Variants in ZNF683 observed in about 807,000 individuals in gnomAD.
ZNF683 encodes the protein zinc finger protein 683.
ZNF683 carries 20 observed loss-of-function variants against 31.4 expected under a neutral mutation model. The observed-to-expected ratio is 0.64, with a 90% CI of 0.45 to 0.93. The LOEUF (loss-of-function observed/expected upper bound fraction) is 0.93. Ranked by LOEUF, ZNF683 falls within the 40% of genes least tolerant of loss-of-function variation. The probability of loss-of-function intolerance (pLI) is 0.00; values close to 1 mark genes in which losing one functional copy is unlikely to be tolerated. For missense variants in ZNF683, 621 were observed against 637.2 expected (o/e 0.97, Z 0.27); for synonymous variants, 264 against 267.6 (o/e 0.99, Z 0.13).
At chr1:26,371,967 G>A (rs535690414) in intron 1 of ZNF683, among the ~76,000 whole-genome samples, 103 of 152,242 alleles carry the variant, frequency 6.8e-4, no homozygotes, top group Admixed American at 1.2e-3. Context: ...GACATGTCTA[G>A]ATACAAAAAG....
At chr1:26,374,200 G>T, upstream of ZNF683, 1 of 1,289,614 alleles carries the variant, frequency 7.8e-7, no homozygotes, top group Non-Finnish European at 1.0e-6. Flanking sequence ...CGCCTCCCCT[G>T]CTGTCTTGCT....
chr1:26,372,637 T>G lies in ZNF683; in HGVS notation c.-15+32A>C. 6 of 1,304,202 alleles carry G rather than the reference T, an allele frequency of 4.6e-6. No homozygotes were observed. The South Asian group carries it at 7.4e-5, about 16-fold the overall frequency. 80.8% of individuals were successfully genotyped at this position (1,304,202 alleles called of 1,614,324 possible). On this transcript the variant is annotated intron_variant, in intron 1 of 5. Coordinates refer to ENST00000349618, the MANE Select transcript of ZNF683 (RefSeq NM_001114759.3). ...TTCTCTGTTAGAAAAAAATAAAAACTACTTCCCCTCTATCCGCACTTCCCA... is the reference window on the plus strand; with the variant it reads ...TTCTCTGTTAGAAAAAAATAAAAACGACTTCCCCTCTATCCGCACTTCCCA...
At chr1:26,369,188 T>C (rs369373465) in intron 1 of ZNF683, among the ~76,000 whole-genome samples, 1 of 151,140 alleles carries the variant, frequency 6.6e-6, no homozygotes, top group East Asian at 2.0e-4. Context: ...GAGGTTGCAG[T>C]GAGCCAAGAT....
intron 2 of ZNF683, 30 bp downstream of exon 2, chr1:26,368,428 C>T (rs749914051): frequency 1.3e-6 from 2 of 1,527,616 alleles, no homozygotes; most frequent in South Asian, 1.3e-5. Flanking sequence ...GCAGACTACC[C>T]ACAAAGGTAA....
chr1:26,362,964 C>A, intron 5 of ZNF683, 62 bp downstream of exon 5: 1 of 1,531,202 alleles, frequency 6.5e-7, no homozygotes, highest in South Asian at 1.2e-5. Context: ...TGCCAGCCCT[C>A]CAAGGGCCTA....
intron 4 of ZNF683, among the ~76,000 whole-genome samples, chr1:26,363,737 G>A (rs865810468): frequency 3.0e-5 from 4 of 134,938 alleles, no homozygotes; most frequent in Admixed American, 7.4e-5. Context: ...ACTCCATATG[G>A]AAAAAAAAAA....
At position 26,364,953 on chromosome 1, in the gene ZNF683, A is replaced by T. The variant is rs1409979692; in HGVS notation, c.593T>A (p.Leu198His). The stretch of plus-strand genomic sequence containing the variant: ...GAACAGGTGGGGTGGAGGCAGGAGA[A>T]GTGGGTATCCAGGGTAGAAGGCGTG... ...LLHAFYPGYP[L>H]LLPPPHLFTY... The change falls in exon 4 of 6, where the codon CTT (leucine) becomes CAT (histidine). Residue 198 changes from leucine to histidine, a missense_variant. By Grantham distance (99) the Leu-to-His change is moderately conservative. Transcript: ENST00000349618. 2 of 1,561,532 alleles carry T rather than the reference A, an allele frequency of 1.3e-6. No homozygotes were observed. Among genetic ancestry groups the T allele is most frequent in the East Asian group, 4.5e-5 (2 of 44,608 alleles).
At chr1:26,373,603 A>G (rs147351433), upstream of ZNF683, among the ~76,000 whole-genome samples, 120 of 152,236 alleles carry the variant, frequency 7.9e-4, 1 homozygote, top group African/African-American at 2.7e-3. Flanking sequence ...CCCTTGATCC[A>G]TCCTATTCTC....
At chr1:26,369,157 A>G in intron 1 of ZNF683, among the ~76,000 whole-genome samples, 1 of 151,940 alleles carries the variant, frequency 6.6e-6, no homozygotes, top group East Asian at 1.9e-4. Flanking sequence ...AGGCACAAGA[A>G]TCACTTGAAC....
At position 26,365,235 on chromosome 1, in the gene ZNF683, G is replaced by A. The variant is rs1336068415; in HGVS notation, c.320-9C>T. ...CCCTGGTGGCTCGTGCTCTAAGCAG[G>A]AAAAGGAAGGCGGTCAGATCCCCAC... is the stretch of plus-strand genomic sequence containing the variant. On this transcript the variant is annotated splice_polypyrimidine_tract_variant and intron_variant, in intron 3 of 5. Coordinates refer to ENST00000349618, the MANE Select transcript of ZNF683 (RefSeq NM_001114759.3). 6.3e-7 allele frequency: 1 copy of A among 1,579,508 alleles called. No homozygotes were observed. The highest frequency in any genetic ancestry group is 8.6e-7 in the Non-Finnish European group (1 of 1,164,088).
At chr1:26,370,649 G>T (rs2074649213) in intron 1 of ZNF683, 3 of 985,696 alleles carry the variant, frequency 3.0e-6, no homozygotes, top group Non-Finnish European at 3.6e-6. Context: ...CCCCCGAAGG[G>T]CTGCTGGCTG....
chr1:26,374,309 C>T (rs1366249920), upstream of ZNF683: 22 of 1,304,094 alleles, frequency 1.7e-5, no homozygotes, highest in African/African-American at 2.0e-4. Flanking sequence ...TGTGCTCCCT[C>T]CTGGCATCAC....
chr1:26,363,213 G>A, intron 4 of ZNF683, 59 bp from the exon 5 acceptor site: 1 of 1,558,194 alleles, frequency 6.4e-7, no homozygotes, highest in African/African-American at 1.3e-5. Flanking sequence ...AGGGCCTGAG[G>A]TCCTCTCCAA....
intron 3 of ZNF683, 89 bp from the exon 4 acceptor site, chr1:26,365,315 A>C (rs2074496746): frequency 1.1e-5 from 14 of 1,328,164 alleles, no homozygotes; most frequent in Admixed American, 5.2e-5. Flanking sequence ...GGGCTGAGAA[A>C]GACCTCCAGC....
chr1:26,363,798 G>C (rs1486950745), intron 4 of ZNF683, among the ~76,000 whole-genome samples: 1 of 151,974 alleles, frequency 6.6e-6, no homozygotes, highest in East Asian at 1.9e-4. Context: ...GGCTGAGGTG[G>C]GAGGATCACA....
upstream of ZNF683, among the ~76,000 whole-genome samples, chr1:26,372,997 C>A (rs1211800254): frequency 5.3e-5 from 8 of 152,326 alleles, no homozygotes; most frequent in Non-Finnish European, 1.0e-4. Context: ...CCCCTGTGGC[C>A]TCACACAAAT....
rs944146904 is a variant in ZNF683, at chr1:26,361,954, C to A, written c.1212G>T (p.Arg404=). The change falls in exon 6 of 6, where the codon CGG becomes CGT. Residue 404 remains arginine, a synonymous_variant. Transcript: ENST00000349618. ...TCCGGCAGACACTGCACTGGAAGGG[C>A]CGGGCCCCGGAGTGCAGGCGCAGGT... ...KTHLRLHSGA[R]PFQCSVCRSR... 3.1e-6 allele frequency: 5 copies of A among 1,613,864 alleles called. No individual in the cohort carries two copies. Among genetic ancestry groups the A allele is most frequent in the Non-Finnish European group, 4.2e-6 (5 of 1,179,890 alleles).
In ZNF683 at chr1:26,363,042, C is replaced by T. The variant is rs202155950; in HGVS notation, c.1127G>A (p.Arg376Gln). ...QKHHLVHTGE[R>Q]PHKCSVCHKR... ...GGATCTCACCGAGCACTTGTGGGGCCGCTCCCCAGTGTGCACCAGGTGGTG... is the reference window on the plus strand; with the variant it reads ...GGATCTCACCGAGCACTTGTGGGGCTGCTCCCCAGTGTGCACCAGGTGGTG... Residue 376 changes from arginine (R) to glutamine (Q), a missense_variant, in exon 5 of 6, where the codon CGG becomes CAG. Transcript: ENST00000349618. The T allele has an allele frequency of 8.6e-5, 138 of 1,611,004 alleles. No individual in the cohort carries two copies. In the East Asian group the frequency reaches 2.6e-3, roughly 31 times the overall value.
intron 1 of ZNF683, chr1:26,370,740 G>A: frequency 1.0e-6 from 1 of 985,562 alleles, no homozygotes. Flanking sequence ...GCTGCCTGTG[G>A]CTGAGGCCCC....
Sources: allele counts gnomAD v4.1 joint callset (sites outside exome capture counted in the v4.1 genomes callset), GRCh38; gene constraint gnomAD v4.1.1; transcripts MANE v1.5; gene names NCBI Gene and HGNC (gene_info 2026-07-23, HGNC 2026-07-21).